ECPAS: variants seen among roughly 807,000 people sequenced by gnomAD.
ECPAS encodes proteasome adapter and scaffold protein ECM29.
Under a neutral mutation model 255.1 loss-of-function variants are expected in ECPAS, and 70 were observed. The ratio of observed to expected loss-of-function variants is 0.27; its 90% CI spans 0.23 to 0.33. ECPAS has a LOEUF of 0.33. Ranked by LOEUF, ECPAS falls within the 10% of genes least tolerant of loss-of-function variation. The pLI, the probability that ECPAS is intolerant of heterozygous loss-of-function variation, is 1.00. For missense variants in ECPAS, 1,817 were observed against 2,206.4 expected (o/e 0.82, Z 3.54); for synonymous variants, 784 against 775.0 (o/e 1.01, Z -0.19).
Position 111,372,584 on chromosome 9 carries a change from T to C in ECPAS, c.4373A>G (p.His1458Arg). ...ATCAGGGCTGTATCGTCCAATAGCA[T>C]GAATAGTCAAAGCACAAGAGGTCTT... ...IYKTSCALTI[H>R]AIGRYSPDVL... is the part of the protein sequence containing the mutation. The change falls in exon 42 of 50, where the codon CAT becomes CGT. Residue 1458 changes from histidine to arginine, a missense_variant. This residue lies in a region of ECPAS where 960 missense variants were observed against 1,179.0 expected (regional missense o/e 0.81). Transcript: ENST00000684092. 6.2e-7 allele frequency: 1 copy of C among 1,613,200 alleles called. No individual in the cohort carries two copies. The highest frequency in any genetic ancestry group is 2.2e-5 in the East Asian group (1 of 44,840).
chr9:111,397,009 G>A (rs768361810), intron 25 of ECPAS, 21 bp downstream of exon 25: 12 of 1,613,444 alleles, frequency 7.4e-6, no homozygotes, highest in Admixed American at 1.7e-5. Flanking sequence ...ATTATAAATC[G>A]ATTAGCTGAA....
At chr9:111,393,390 T>C (rs538496217) in intron 27 of ECPAS, among the ~76,000 whole-genome samples, 72 of 152,322 alleles carry the variant, frequency 4.7e-4, no homozygotes, top group Non-Finnish European at 9.3e-4. Flanking sequence ...TTAGGAGAGA[T>C]ACTAATGTTA....
chr9:111,439,151 G>A (rs967755467), intron 6 of ECPAS, among the ~76,000 whole-genome samples: 6 of 152,178 alleles, frequency 3.9e-5, no homozygotes, highest in African/African-American at 1.4e-4. Flanking sequence ...CATATAGGCG[G>A]GTGTTTTGTG....
intron 7 of ECPAS, among the ~76,000 whole-genome samples, chr9:111,434,852 C>T (rs564861058): frequency 6.6e-6 from 1 of 150,578 alleles, no homozygotes; most frequent in Admixed American, 6.6e-5. Flanking sequence ...CCCAACATGG[C>T]CTCCCAAAGT....
intron 20 of ECPAS, among the ~76,000 whole-genome samples, chr9:111,413,350 G>C (rs1259762044): frequency 1.3e-5 from 2 of 152,144 alleles, no homozygotes; most frequent in Non-Finnish European, 2.9e-5. Flanking sequence ...AGTTGTAGTG[G>C]AATAGTTCTC....
intron 47 of ECPAS, 62 bp from the exon 48 acceptor site, chr9:111,366,389 T>C: frequency 7.2e-7 from 1 of 1,391,980 alleles, no homozygotes; most frequent in South Asian, 1.2e-5. Flanking sequence ...AAAACTTTCC[T>C]GTCACAATTT....
chr9:111,414,331 A>T (rs747332019), intron 19 of ECPAS, 98 bp downstream of exon 19: 4 of 1,037,874 alleles, frequency 3.9e-6, no homozygotes, highest in Non-Finnish European at 5.6e-6. Context: ...CAGTTACAGA[A>T]GAAAAAGAAT....
chr9:111,425,273 G>T, intron 12 of ECPAS, 145 bp downstream of exon 12: 1 of 543,346 alleles, frequency 1.8e-6, no homozygotes, highest in Non-Finnish European at 3.0e-6. Context: ...AGTAATTTCT[G>T]AAATTTGTAC....
At chr9:111,483,474 C>G in intron 1 of ECPAS, 2 of 975,826 alleles carry the variant, frequency 2.0e-6, no homozygotes, top group Admixed American at 6.4e-5. Flanking sequence ...CGTTCCGGCT[C>G]GCGGCCGCAG....
chr9:111,433,192 G>A, intron 8 of ECPAS, 41 bp downstream of exon 8: 1 of 1,595,238 alleles, frequency 6.3e-7, no homozygotes, highest in South Asian at 1.1e-5. Flanking sequence ...TTTTAGAAAT[G>A]TAGTCCTTTC....
intron 2 of ECPAS, among the ~76,000 whole-genome samples, 169 bp from the exon 3 acceptor site, chr9:111,451,724 G>T (rs1414699412): frequency 6.6e-6 from 1 of 152,034 alleles, no homozygotes; most frequent in Non-Finnish European, 1.5e-5. Flanking sequence ...ACCACCAAAA[G>T]GTTAACTGTT....
At chr9:111,420,822 T>G (rs546212059) in intron 15 of ECPAS, among the ~76,000 whole-genome samples, 10 of 152,324 alleles carry the variant, frequency 6.6e-5, no homozygotes, top group African/African-American at 2.2e-4. Flanking sequence ...CTGGCATTCT[T>G]GCTATTTAGC....
intron 24 of ECPAS, among the ~76,000 whole-genome samples, chr9:111,406,606 T>A (rs2098184346): frequency 6.7e-6 from 1 of 149,778 alleles, no homozygotes; most frequent in African/African-American, 2.5e-5. Flanking sequence ...TGTATCAATT[T>A]AAAAAATTAA....
chr9:111,479,530 T>C (rs1001750928), intron 1 of ECPAS, among the ~76,000 whole-genome samples: 2 of 151,638 alleles, frequency 1.3e-5, no homozygotes, highest in Non-Finnish European at 2.9e-5. Flanking sequence ...GATGTGGAGG[T>C]TGCAGTGAGC....
chr9:111,360,852 G>A lies in ECPAS; in HGVS notation c.*1178C>T, dbSNP rs952466619. ...ACGTCAATAAGGATGAGTACTGAAT[G>A]TAAACCAGTCTTCTGCTCTGGAATC... On this transcript the variant is annotated 3_prime_UTR_variant, in exon 50 of 50. Coordinates refer to ENST00000684092, the MANE Select transcript of ECPAS (RefSeq NM_001364929.1). The A allele has an allele frequency of 6.6e-6, 1 of 152,142 alleles. No homozygotes were observed. Among genetic ancestry groups the A allele is most frequent in the African/African-American group, 2.4e-5 (1 of 41,438 alleles). 9.4% of individuals were successfully genotyped at this position (152,142 alleles called of 1,614,324 possible).
At position 111,369,097 on chromosome 9, in the gene ECPAS, T is replaced by C. The variant is rs1429502001; in HGVS notation, c.5051A>G (p.Glu1684Gly). ...ENEKEKELQL[E>G]YLLGAFESLG... ...GCTTTCAAAGGCACCCAGCAGATATTCCAGCTGGAGCTCCTTTTCCTTTTC... is the reference window on the plus strand; with the variant it reads ...GCTTTCAAAGGCACCCAGCAGATATCCCAGCTGGAGCTCCTTTTCCTTTTC... The change falls in exon 46 of 50, where the codon GAA becomes GGA. Residue 1684 changes from glutamate to glycine, a missense_variant. By Grantham distance (98) the Glu-to-Gly change is moderately conservative. Around this residue, in one of 4 missense-constraint regions of ECPAS, gnomAD observed 960 missense variants for 1,179.0 expected, o/e 0.81. Transcript: ENST00000684092. 6.2e-7 allele frequency: 1 copy of C among 1,607,188 alleles called. No homozygotes were observed. The highest frequency in any genetic ancestry group is 1.3e-5 in the African/African-American group (1 of 74,436).
chr9:111,443,997 T>C lies in ECPAS; in HGVS notation c.270+381A>G, dbSNP rs543128032. ...CACTTTCATGTATCTTCTTGCCATT[T>C]TACTAATTTTTTCTTCCATTAGGCT... On this transcript the variant is annotated intron_variant, in intron 4 of 49. Transcript: ENST00000684092. 1.1e-4 allele frequency among the ~76,000 whole-genome samples: 17 copies of C among 148,782 alleles called. No individual in the cohort carries two copies. In the South Asian group the frequency reaches 3.2e-3, roughly 28 times the overall value.
rs912527127 is a variant in ECPAS, at chr9:111,360,718, A to T, written c.*1312T>A. 11 of 152,242 alleles carry T rather than the reference A, an allele frequency of 7.2e-5. No individual in the cohort carries two copies. The highest frequency in any genetic ancestry group is 2.7e-4 in the African/African-American group (11 of 41,466). 9.4% of individuals were successfully genotyped at this position (152,242 alleles called of 1,614,324 possible). A position where few individuals can be genotyped will look rare whatever the true frequency, so the allele number is the denominator to read the frequency against. The stretch of plus-strand genomic sequence containing the variant: ...CGTGATGTAAAAAGTTATTTTTATT[A>T]TGACTTGCAGTCAAAAAAGTTTGAA... On this transcript the variant is annotated 3_prime_UTR_variant, in exon 50 of 50. Coordinates refer to ENST00000684092, the MANE Select transcript of ECPAS (RefSeq NM_001364929.1).
Position 111,418,048 on chromosome 9 carries a change from C to A in ECPAS, c.1560-42G>T, listed in dbSNP as rs780414209. 3.3e-6 allele frequency: 5 copies of A among 1,520,306 alleles called. No homozygotes were observed. The South Asian group carries it at 6.5e-5, about 20-fold the overall frequency. The allele number at this position is 1,520,306 out of a possible 1,614,324, so 94.2% of individuals were successfully genotyped here. On this transcript the variant is annotated intron_variant, in intron 16 of 49. Coordinates refer to ENST00000684092, the MANE Select transcript of ECPAS (RefSeq NM_001364929.1). ...AATAAGAATAAAAAATAAATGTCAC[C>A]AATGGGAAATGATCATTTGAAGAAT...
Sources: gnomAD v4.1 joint callset for allele counts (sites outside exome capture counted in the v4.1 genomes callset) on GRCh38, gnomAD v4.1.1 for gene constraint, gnomAD v4.1.1 regional missense constraint, MANE v1.5 for transcripts, NCBI Gene and HGNC (gene_info 2026-07-23, HGNC 2026-07-21) for gene names.